Variants in C1orf21 observed in about 807,000 individuals in gnomAD.
The protein encoded by C1orf21 is chromosome 1 open reading frame 21, also known as uncharacterized protein C1orf21.
Under a neutral mutation model 18.7 loss-of-function variants are expected in C1orf21, and 3 were observed. The ratio of observed to expected loss-of-function variants is 0.16; its 90% confidence interval spans 0.07 to 0.42. The LOEUF (loss-of-function observed/expected upper bound fraction) is 0.42, where lower values mean the gene tolerates loss of function less well. Among genes scored for constraint, C1orf21 ranks in the 10% least tolerant of loss-of-function variants. C1orf21 has a pLI of 0.99. For missense variants in C1orf21, 104 were observed against 143.6 expected (o/e 0.72, Z 1.41); for synonymous variants, 41 against 46.4 (o/e 0.88, Z 0.47).
chr1:184,607,342 G>C (rs541290904), intron 5 of C1orf21, among the ~76,000 whole-genome samples: 1 of 152,212 alleles, frequency 6.6e-6, no homozygotes, highest in African/African-American at 2.4e-5. Flanking sequence ...TGTGGATCTA[G>C]AGTGAGTTTG....
At chr1:184,582,778 G>A (rs959047411) in intron 3 of C1orf21, among the ~76,000 whole-genome samples, 1 of 152,170 alleles carries the variant, frequency 6.6e-6, no homozygotes, top group Admixed American at 6.6e-5. Context: ...CTGAACATGG[G>A]TGTTGTTCCC....
chr1:184,615,986 T>C lies in C1orf21; in HGVS notation c.328-3532T>C, dbSNP rs569742935. On this transcript the variant is annotated intron_variant, in intron 5 of 5. Transcript: ENST00000235307. ...TACTTTGAAATATACAATATATTAC[T>C]ACTAACTCTAGTCACCCTACTGTGC... 7.9e-5 allele frequency among the ~76,000 whole-genome samples: 12 copies of C among 152,322 alleles called. No homozygotes were observed. The South Asian group carries it at 2.3e-3, about 29-fold the overall frequency.
chr1:184,548,824 A>T (rs2101980786), intron 3 of C1orf21, among the ~76,000 whole-genome samples: 1 of 152,314 alleles, frequency 6.6e-6, no homozygotes, highest in South Asian at 2.1e-4. Context: ...TTTCAACAGT[A>T]AAAGTCACGG....
rs115177603 is a variant in C1orf21, at chr1:184,400,398, G to A, written c.-125+13030G>A. ...TGTGTCCACTCAGATATATATGTGT[G>A]TGTGTTTGTATGTATGTGTAGGTAT... On this transcript the variant is annotated intron_variant, in intron 1 of 5. Coordinates refer to ENST00000235307, the MANE Select transcript of C1orf21 (RefSeq NM_030806.4). Among the ~76,000 whole-genome samples the A allele has an allele frequency of 6.7e-3, 1,027 of 152,154 alleles. 11 individuals carry two copies. Among genetic ancestry groups the A allele is most frequent in the African/African-American group, 0.024 (990 of 41,502 alleles).
At chr1:184,519,519 C>A (rs1472758357) in intron 3 of C1orf21, among the ~76,000 whole-genome samples, 2 of 152,048 alleles carry the variant, frequency 1.3e-5, no homozygotes, top group Non-Finnish European at 1.5e-5. Flanking sequence ...GCAAGTGGCC[C>A]CATTGAGACA....
At chr1:184,590,657 G>T in intron 3 of C1orf21, 82 bp from the exon 4 acceptor site, 1 of 1,381,546 alleles carries the variant, frequency 7.2e-7, no homozygotes, top group Non-Finnish European at 1.0e-6. Flanking sequence ...CAGATTGAAC[G>T]TTTGTGTGAT....
intron 3 of C1orf21, among the ~76,000 whole-genome samples, chr1:184,572,587 A>C: frequency 6.6e-6 from 1 of 152,212 alleles, no homozygotes; most frequent in East Asian, 1.9e-4. Flanking sequence ...GTCATTGTTG[A>C]AGATGATCAT....
chr1:184,540,461 T>C (rs1280011605), intron 3 of C1orf21, among the ~76,000 whole-genome samples: 1 of 151,680 alleles, frequency 6.6e-6, no homozygotes. Context: ...TGAGACTGGG[T>C]CTCGCTCCTT....
chr1:184,575,787 C>A (rs900820407), intron 3 of C1orf21, among the ~76,000 whole-genome samples: 1 of 151,632 alleles, frequency 6.6e-6, no homozygotes, highest in Non-Finnish European at 1.5e-5. Flanking sequence ...AACCCCCTGA[C>A]CCCTGCTAAG....
At chr1:184,512,045 G>A (rs1658157181) in intron 3 of C1orf21, among the ~76,000 whole-genome samples, 1 of 152,166 alleles carries the variant, frequency 6.6e-6, no homozygotes, top group South Asian at 2.1e-4. Flanking sequence ...GAAAAGAAGA[G>A]ACAATGGTCA....
At chr1:184,596,823 A>G in intron 4 of C1orf21, among the ~76,000 whole-genome samples, 1 of 151,362 alleles carries the variant, frequency 6.6e-6, no homozygotes, top group East Asian at 1.9e-4. Flanking sequence ...GTGAGCTGGG[A>G]TCGCACCACT....
chr1:184,423,810 C>A (rs1341289275), intron 1 of C1orf21, among the ~76,000 whole-genome samples: 2 of 151,986 alleles, frequency 1.3e-5, no homozygotes, highest in South Asian at 4.2e-4. Flanking sequence ...ATCTCTTCTT[C>A]CATCCATCCA....
intron 3 of C1orf21, among the ~76,000 whole-genome samples, chr1:184,551,164 G>C (rs971714271): frequency 6.6e-6 from 1 of 152,136 alleles, no homozygotes; most frequent in African/African-American, 2.4e-5. Flanking sequence ...CCATGGAGAA[G>C]AGGTAGATTA....
At chr1:184,587,310 T>C (rs1659368236) in intron 3 of C1orf21, among the ~76,000 whole-genome samples, 1 of 151,756 alleles carries the variant, frequency 6.6e-6, no homozygotes, top group South Asian at 2.1e-4. Flanking sequence ...AAAATAGTTT[T>C]ATTCTAGTTC....
At chr1:184,438,889 G>T (rs186152042) in intron 1 of C1orf21, among the ~76,000 whole-genome samples, 1 of 152,090 alleles carries the variant, frequency 6.6e-6, no homozygotes, top group Non-Finnish European at 1.5e-5. Context: ...AAGATATGTC[G>T]TTGGGTTGCA....
intron 3 of C1orf21, among the ~76,000 whole-genome samples, chr1:184,515,236 C>T (rs1490640294): frequency 6.6e-6 from 1 of 152,082 alleles, no homozygotes; most frequent in Non-Finnish European, 1.5e-5. Flanking sequence ...GGATTTTTAT[C>T]TTTAAACTTA....
intron 3 of C1orf21, among the ~76,000 whole-genome samples, chr1:184,537,632 C>A (rs1366612864): frequency 6.6e-6 from 1 of 152,044 alleles, no homozygotes; most frequent in African/African-American, 2.4e-5. Flanking sequence ...CTCTTCAAGA[C>A]CCTAATTTCA....
chr1:184,533,020 GT>G (rs1658490759), intron 3 of C1orf21, among the ~76,000 whole-genome samples: 1 of 152,250 alleles, frequency 6.6e-6, no homozygotes, highest in African/African-American at 2.4e-5. Flanking sequence ...TTTTGTTTTT[GT>G]TTTTTAATAT....
At chr1:184,510,656 G>C (rs1658130175) in intron 3 of C1orf21, among the ~76,000 whole-genome samples, 1 of 152,188 alleles carries the variant, frequency 6.6e-6, no homozygotes, top group Non-Finnish European at 1.5e-5. Context: ...AAGAGGAGTA[G>C]GTGTCAGTAG....
Sources: gnomAD v4.1 joint callset for allele counts (sites outside exome capture counted in the v4.1 genomes callset) on GRCh38, gnomAD v4.1.1 for gene constraint, MANE v1.5 for transcripts, NCBI Gene and HGNC (gene_info 2026-07-23, HGNC 2026-07-21) for gene names.